Variants in RGS6 observed in about 807,000 individuals in gnomAD.
The protein encoded by RGS6 is regulator of G-protein signaling 6.
Under a neutral mutation model 78.5 loss-of-function variants are expected in RGS6, and 30 were observed. The observed-to-expected ratio is 0.38, with a 90% confidence interval of 0.29 to 0.52. The LOEUF is 0.52. Ranked by LOEUF, RGS6 falls within the 20% of genes least tolerant of loss-of-function variation. The pLI is 0.85. For missense variants in RGS6, 495 were observed against 609.7 expected, an observed-to-expected ratio of 0.81 and a Z score of 1.98; for synonymous variants, 206 against 206.0, an observed-to-expected ratio of 1.00 and a Z score of 0.00.
At chr14:71,966,073 CTTA>C (rs746771836) in intron 2 of RGS6, among the ~76,000 whole-genome samples, 4 of 152,052 alleles carry the variant, frequency 2.6e-5, no homozygotes, top group African/African-American at 9.7e-5. Flanking sequence ...ATAATTGCTT[CTTA>C]TTGTACACCT....
intron 2 of RGS6, among the ~76,000 whole-genome samples, chr14:72,192,985 T>C (rs985472534): frequency 6.6e-6 from 1 of 151,718 alleles, no homozygotes; most frequent in Non-Finnish European, 1.5e-5. Context: ...GTTGGGTTTT[T>C]TTTTTTTTTT....
At chr14:72,058,842 C>T (rs550199369) in intron 2 of RGS6, among the ~76,000 whole-genome samples, 1 of 152,264 alleles carries the variant, frequency 6.6e-6, no homozygotes, top group Non-Finnish European at 1.5e-5. Flanking sequence ...ATGCTATTAA[C>T]CCAGGGCCTA....
chr14:72,128,495 T>A (rs184911751), intron 2 of RGS6, among the ~76,000 whole-genome samples: 126 of 152,308 alleles, frequency 8.3e-4, no homozygotes, highest in African/African-American at 2.9e-3. Context: ...TGCTCTCACA[T>A]CTCATTGTGT....
intron 2 of RGS6, among the ~76,000 whole-genome samples, chr14:72,075,722 A>G (rs2094550302): frequency 6.6e-6 from 1 of 152,126 alleles, no homozygotes; most frequent in Non-Finnish European, 1.5e-5. Flanking sequence ...CTATATTCAT[A>G]CAAAGCTGCA....
chr14:72,234,719 AT>A (rs1268095660), intron 2 of RGS6, among the ~76,000 whole-genome samples: 1 of 152,034 alleles, frequency 6.6e-6, no homozygotes, highest in African/African-American at 2.4e-5. Flanking sequence ...AACACTGATC[AT>A]CATCAGCCCA....
chr14:72,473,590 C>A (rs993082280), intron 9 of RGS6, among the ~76,000 whole-genome samples: 1 of 152,212 alleles, frequency 6.6e-6, no homozygotes, highest in South Asian at 2.1e-4. Context: ...AACTCTGAAT[C>A]TTCAACTATT....
intron 3 of RGS6, among the ~76,000 whole-genome samples, chr14:72,454,219 G>C (rs2095571139): frequency 6.6e-6 from 1 of 152,156 alleles, no homozygotes; most frequent in Admixed American, 6.5e-5. Context: ...AATGGTCTGG[G>C]GGCCAGGCAT....
At chr14:72,538,995 G>A (rs1390914220) in intron 16 of RGS6, among the ~76,000 whole-genome samples, 1 of 152,230 alleles carries the variant, frequency 6.6e-6, no homozygotes, top group East Asian at 1.9e-4. Context: ...GTATGTTTGT[G>A]TCTATGTGAG....
At chr14:72,052,619 A>G (rs2093318672) in intron 2 of RGS6, among the ~76,000 whole-genome samples, 2 of 149,476 alleles carry the variant, frequency 1.3e-5, no homozygotes, top group Admixed American at 6.7e-5. Flanking sequence ...ACCTCAAAGA[A>G]TTAGATTCCC....
the RGS6 span, among the ~76,000 whole-genome samples, chr14:71,927,428 C>T: frequency 6.6e-6 from 1 of 152,028 alleles, no homozygotes; most frequent in African/African-American, 2.4e-5. Flanking sequence ...ATCCACTTCA[C>T]ATTGCAAAGA....
chr14:72,330,944 C>T (rs556951791), intron 2 of RGS6, among the ~76,000 whole-genome samples: 1 of 152,158 alleles, frequency 6.6e-6, no homozygotes, highest in African/African-American at 2.4e-5. Flanking sequence ...TGCAGGGTAC[C>T]TTTGAGGGGC....
chr14:72,201,202 C>T (rs766493121), intron 2 of RGS6, among the ~76,000 whole-genome samples: 13 of 152,236 alleles, frequency 8.5e-5, no homozygotes, highest in Admixed American at 4.6e-4. Context: ...AAGAGACCTG[C>T]GCTCTCTGTA....
intron 17 of RGS6, among the ~76,000 whole-genome samples, chr14:72,555,826 A>C (rs1156590805): frequency 2.0e-5 from 3 of 152,262 alleles, no homozygotes; most frequent in African/African-American, 7.2e-5. Context: ...CATGCTTGAC[A>C]GACACACAAT....
intron 3 of RGS6, among the ~76,000 whole-genome samples, chr14:72,358,634 T>G (rs1379322343): frequency 6.6e-6 from 1 of 152,246 alleles, no homozygotes; most frequent in East Asian, 1.9e-4. Flanking sequence ...AACAGGTATA[T>G]TTACCCAGTG....
chr14:72,134,906 A>T (rs1414212120), intron 2 of RGS6, among the ~76,000 whole-genome samples: 1 of 152,088 alleles, frequency 6.6e-6, no homozygotes, highest in Non-Finnish European at 1.5e-5. Flanking sequence ...CCCTCAACAG[A>T]TTGGGTGGTG....
intron 2 of RGS6, among the ~76,000 whole-genome samples, chr14:72,035,995 C>T (rs2091640999): frequency 6.6e-6 from 1 of 152,052 alleles, no homozygotes. Flanking sequence ...AGAGAACTCC[C>T]TCATGTCATC....
intron 12 of RGS6, among the ~76,000 whole-genome samples, chr14:72,480,038 C>G (rs1444639793): frequency 1.3e-5 from 2 of 152,110 alleles, no homozygotes; most frequent in African/African-American, 4.8e-5. Context: ...GTTCTAAGTA[C>G]CGTAATCCAG....
chr14:72,612,519 T>C, the RGS6 span: 2 of 518,926 alleles, frequency 3.9e-6, no homozygotes, highest in South Asian at 2.8e-5. Flanking sequence ...TATACGCCAC[T>C]GTTGCTTCCC....
intron 10 of RGS6, among the ~76,000 whole-genome samples, chr14:72,476,025 A>T (rs1432598032): frequency 6.6e-6 from 1 of 152,124 alleles, no homozygotes; most frequent in Non-Finnish European, 1.5e-5. Flanking sequence ...AGTCACATCC[A>T]CCTTATCTGA....
Sources: allele counts gnomAD v4.1 joint callset (sites outside exome capture counted in the v4.1 genomes callset), GRCh38; gene constraint gnomAD v4.1.1; transcripts MANE v1.5; gene names NCBI Gene and HGNC (gene_info 2026-07-23, HGNC 2026-07-21).